ZNRF3: variants seen among roughly 807,000 people sequenced by gnomAD.
ZNRF3 encodes E3 ubiquitin-protein ligase ZNRF3.
In ZNRF3, 23 loss-of-function variants were observed where a neutral mutation model predicts 72.5. The observed-to-expected ratio is 0.32, with a 90% CI of 0.23 to 0.45. The LOEUF is 0.45. ZNRF3 is among the 20% of genes least tolerant of loss of function. The pLI is 1.00. For missense variants in ZNRF3, 1,169 were observed against 1,272.1 expected (o/e 0.92, Z 1.23); for synonymous variants, 610 against 545.3 (o/e 1.12, Z -1.65).
intron 1 of ZNRF3, among the ~76,000 whole-genome samples, chr22:28,924,037 G>C (rs1470906953): frequency 1.3e-5 from 2 of 152,272 alleles, no homozygotes; most frequent in Non-Finnish European, 2.9e-5. Context: ...CGCGCACCGG[G>C]GTGCTTCAAA....
chr22:29,041,006 C>T (rs530250495), intron 2 of ZNRF3, among the ~76,000 whole-genome samples: 2 of 152,264 alleles, frequency 1.3e-5, no homozygotes, highest in South Asian at 2.1e-4. Flanking sequence ...CCCATAGTAA[C>T]TCTGTTGATC....
At chr22:28,895,821 G>A (rs1053998511) in intron 1 of ZNRF3, among the ~76,000 whole-genome samples, 16 of 152,192 alleles carry the variant, frequency 1.1e-4, no homozygotes, top group Admixed American at 3.9e-4. Context: ...ATTCTGCTGC[G>A]ATGGTTGAAT....
Position 28,951,155 on chromosome 22 carries a change from A to C in ZNRF3, c.301-35921A>C, listed in dbSNP as rs144492047. On this transcript the variant is annotated intron_variant, in intron 1 of 8. Transcript: ENST00000544604. ...GAGATACTGAAGAATGAAAATGCTA[A>C]TATCTTCTTATAGCGCCCTTCCTTT... Among the ~76,000 whole-genome samples the C allele has an allele frequency of 2.3e-4, 35 of 152,296 alleles. No homozygotes were observed. In the East Asian group the frequency reaches 6.0e-3, roughly 26 times the overall value.
chr22:28,986,581 C>T (rs2123827605), intron 1 of ZNRF3: 1 of 984,038 alleles, frequency 1.0e-6, no homozygotes, highest in Non-Finnish European at 1.2e-6. Context: ...CTGTTAATTA[C>T]ACTGGTGATT....
intron 1 of ZNRF3, among the ~76,000 whole-genome samples, chr22:28,972,577 T>C (rs945885292): frequency 4.6e-5 from 7 of 152,358 alleles, no homozygotes; most frequent in Admixed American, 2.6e-4. Context: ...TGAACGTTCA[T>C]GTACAAGTTT....
In ZNRF3 at chr22:29,048,160, C is replaced by G. The variant is rs2123885956; in HGVS notation, c.913-229C>G. Among the ~76,000 whole-genome samples, 1 of 152,316 alleles carries G rather than the reference C, an allele frequency of 6.6e-6. No homozygotes were observed. The highest frequency in any genetic ancestry group is 2.1e-4 in the South Asian group (1 of 4,828). On this transcript the variant is annotated intron_variant, in intron 6 of 8. Transcript: ENST00000544604. The surrounding 1 kb of genome is among the most constrained non-coding windows in gnomAD (Gnocchi z 4.9). ...ACGCCTGCCTCTGTGCGTGCCCACT[C>G]CCTTAACACTGAGGACTGTGGATGG...
At chr22:28,933,190 C>G (rs778659380) in intron 1 of ZNRF3, among the ~76,000 whole-genome samples, 2 of 152,230 alleles carry the variant, frequency 1.3e-5, no homozygotes, top group Non-Finnish European at 2.9e-5. Context: ...TATCCCAACT[C>G]TACCATCATC....
In ZNRF3 at chr22:29,050,602, G is replaced by A. The variant is rs2037184291; in HGVS notation, c.2421G>A (p.Gln807=). Residue 807 remains glutamine, a synonymous_variant, in exon 8 of 9, where the codon CAG becomes CAA. Coordinates refer to ENST00000544604, the MANE Select transcript of ZNRF3 (RefSeq NM_001206998.2). ...CTGAGGACTACTCGGTGAGTGTGCA[G>A]TACACGCTCACCGAGGAACCACCGC... ...CYTEDYSVSV[Q]YTLTEEPPPG... 1 of 1,609,288 alleles carries A rather than the reference G, an allele frequency of 6.2e-7. No individual in the cohort carries two copies.
At chr22:28,987,353 T>A (rs1239030191) in intron 2 of ZNRF3, 152 bp downstream of exon 2, 1 of 1,187,714 alleles carries the variant, frequency 8.4e-7, no homozygotes, top group Admixed American at 3.1e-5. Flanking sequence ...GACTGAGACA[T>A]GCCTTGCAGT....
At chr22:29,028,431 G>A (rs1319873178) in intron 2 of ZNRF3, among the ~76,000 whole-genome samples, 1 of 152,134 alleles carries the variant, frequency 6.6e-6, no homozygotes, top group East Asian at 1.9e-4. Context: ...AGACCAAGTG[G>A]GTTAGGATAA....
Position 29,050,523 on chromosome 22 carries a change from TC to T in ZNRF3, c.2343del (p.Tyr782MetfsTer23). ...GVKYEGLPCC[F>X]YEEKQVARGG... ...AAATACGAGGGTCTGCCCTGCTGCT[TC>T]TATGAAGAGAAGCAGGTGGCCCGCG... On this transcript the variant is annotated frameshift_variant, in exon 8 of 9. Transcript: ENST00000544604. LOFTEE classifies it high-confidence loss of function. 1 of 1,612,154 alleles carries T rather than the reference TC, an allele frequency of 6.2e-7. No homozygotes were observed. The highest frequency in any genetic ancestry group is 8.5e-7 in the Non-Finnish European group (1 of 1,179,594).
At chr22:28,983,374 C>G (rs909847512) in intron 1 of ZNRF3, among the ~76,000 whole-genome samples, 1 of 152,114 alleles carries the variant, frequency 6.6e-6, no homozygotes, top group Non-Finnish European at 1.5e-5. Context: ...TTCTGCATGC[C>G]CGGACACGCT....
chr22:28,900,277 A>G (rs1217643948), intron 1 of ZNRF3, among the ~76,000 whole-genome samples: 1 of 152,160 alleles, frequency 6.6e-6, no homozygotes, highest in Non-Finnish European at 1.5e-5. Context: ...AGCAAAGATC[A>G]CAGTCGAAGG....
At chr22:28,949,739 C>T (rs1296627680) in intron 1 of ZNRF3, among the ~76,000 whole-genome samples, 1 of 152,190 alleles carries the variant, frequency 6.6e-6, no homozygotes, top group African/African-American at 2.4e-5. Flanking sequence ...AAGTGTTAGT[C>T]TCATTTCATT....
At chr22:29,045,415 T>C (rs2037049818) in intron 5 of ZNRF3, among the ~76,000 whole-genome samples, 5 of 151,916 alleles carry the variant, frequency 3.3e-5, no homozygotes, top group Admixed American at 3.3e-4. Flanking sequence ...CCTTCTCTGT[T>C]CTAAAAGGGC....
intron 2 of ZNRF3, among the ~76,000 whole-genome samples, chr22:29,020,788 T>TGTGTGG (rs2036524613): frequency 1.4e-5 from 2 of 141,020 alleles, no homozygotes; most frequent in South Asian, 5.2e-4. Flanking sequence ...TGTGTGTGTG[T>TGTGTGG]GTGTGTGTGT....
intron 2 of ZNRF3, among the ~76,000 whole-genome samples, chr22:29,008,111 T>A (rs149372331): frequency 6.6e-6 from 1 of 152,288 alleles, no homozygotes; most frequent in African/African-American, 2.4e-5. Flanking sequence ...ACCTCTCTCA[T>A]TTGTATGCTC....
intron 1 of ZNRF3, among the ~76,000 whole-genome samples, chr22:28,902,665 C>A (rs1229458824): frequency 2.0e-5 from 3 of 152,100 alleles, no homozygotes; most frequent in Admixed American, 6.5e-5. Context: ...GGGTTTGAAT[C>A]CTGGCTTTGG....
At chr22:29,011,415 T>C (rs2036344912) in intron 2 of ZNRF3, among the ~76,000 whole-genome samples, 1 of 152,166 alleles carries the variant, frequency 6.6e-6, no homozygotes, top group Admixed American at 6.5e-5. Flanking sequence ...AAGTGGGGAC[T>C]GGCGGCTGGC....
Sources: allele counts gnomAD v4.1 joint callset (sites outside exome capture counted in the v4.1 genomes callset), GRCh38; gene constraint gnomAD v4.1.1; non-coding constraint Gnocchi (gnomAD v3.1); transcripts MANE v1.5; gene names NCBI Gene and HGNC (gene_info 2026-07-23, HGNC 2026-07-21).